Variants in ANGEL1 observed in about 807,000 individuals in gnomAD.
The protein encoded by ANGEL1 is angel homolog 1.
Under a neutral mutation model 76.4 loss-of-function variants are expected in ANGEL1, and 62 were observed. The ratio of observed to expected loss-of-function variants is 0.81; its 90% CI spans 0.66 to 1.00. The LOEUF is 1.00. ANGEL1 is among the 50% of genes least tolerant of loss of function. The probability of loss-of-function intolerance (pLI) is 0.00; values close to 1 mark genes in which losing one functional copy is unlikely to be tolerated. For missense variants in ANGEL1, 737 were observed against 836.7 expected, an observed-to-expected ratio of 0.88 and a Z score of 1.47; for synonymous variants, 340 against 331.7, an observed-to-expected ratio of 1.03 and a Z score of -0.27.
chr14:76,811,249 T>C (rs1332358681), intron 1 of ANGEL1, among the ~76,000 whole-genome samples: 1 of 152,204 alleles, frequency 6.6e-6, no homozygotes, highest in Admixed American at 6.5e-5. Flanking sequence ...TGAGAAACCC[T>C]GCTCTAAACC....
chr14:76,786,620 C>G lies in ANGEL1; in HGVS notation c.*2608G>C, dbSNP rs12895850. 9,461 of 152,258 alleles carry G rather than the reference C, an allele frequency of 0.062. 360 individuals carry two copies. Among genetic ancestry groups the G allele is most frequent in the Non-Finnish European group, 0.079 (5,387 of 68,044 alleles). The allele number at this position is 152,258 out of a possible 1,614,324, so 9.4% of individuals were successfully genotyped here. Reference sequence around the variant, plus strand: ...GTTCAGGTAAGACAGAAAACCAGATCTGGTTTCAGGGCTCCCAGTGGGCAT... The same window carrying G: ...GTTCAGGTAAGACAGAAAACCAGATGTGGTTTCAGGGCTCCCAGTGGGCAT... On this transcript the variant is annotated 3_prime_UTR_variant, in exon 10 of 10. Transcript: ENST00000251089.
intron 7 of ANGEL1, among the ~76,000 whole-genome samples, chr14:76,793,487 A>G (rs1894482431): frequency 6.9e-6 from 1 of 144,830 alleles, no homozygotes; most frequent in Non-Finnish European, 1.5e-5. Flanking sequence ...GGAGGAGAAA[A>G]AGGAGGAGGA....
chr14:76,804,928 T>C (rs1360917086), intron 5 of ANGEL1, among the ~76,000 whole-genome samples: 5 of 151,928 alleles, frequency 3.3e-5, no homozygotes, highest in Admixed American at 3.3e-4. Flanking sequence ...GAGAATCACA[T>C]GAACCCAGGA....
chr14:76,806,667 C>A lies in ANGEL1; in HGVS notation c.1129G>T (p.Gly377Cys). The A allele has an allele frequency of 1.2e-6, 2 of 1,614,054 alleles. No individual in the cohort carries two copies. The highest frequency in any genetic ancestry group is 1.7e-6 in the Non-Finnish European group (2 of 1,180,038). ...VLLLQPLVPE[G>C]LGQVSVAPLC... ...GGGGCCACCGAGACTTGTCCCAGGCCTTCTGGGACGAGTGGTTGCAGTAGC... is the reference window on the plus strand; with the variant it reads ...GGGGCCACCGAGACTTGTCCCAGGCATTCTGGGACGAGTGGTTGCAGTAGC... The change falls in exon 5 of 10, where the codon GGC becomes TGC. Residue 377 changes from glycine (G) to cysteine (C), a missense_variant. This residue lies in a region of ANGEL1 where 296 missense variants were observed against 387.2 expected (regional missense o/e 0.76). Transcript: ENST00000251089.
chr14:76,804,878 C>T (rs1478771158), intron 5 of ANGEL1, among the ~76,000 whole-genome samples: 7 of 152,110 alleles, frequency 4.6e-5, no homozygotes, highest in African/African-American at 1.7e-4. Context: ...AGCATGGTGG[C>T]ACACACCTGT....
chr14:76,807,467 G>A lies in ANGEL1; in HGVS notation c.912C>T (p.Tyr304=). The A allele has an allele frequency of 6.2e-7, 1 of 1,613,554 alleles. No homozygotes were observed. Among genetic ancestry groups the A allele is most frequent in the Non-Finnish European group, 8.5e-7 (1 of 1,179,806 alleles). ...GCAGAGAGGGTTCCAGCTGCTCCCA[G>A]TAATGATCTTCCTGGACTTCCTGGA... The part of the protein sequence containing the change: ...LCLQEVQEDH[Y]WEQLEPSLRM... Residue 304 remains tyrosine, a synonymous_variant, in exon 4 of 10, where the codon TAC becomes TAT. Transcript: ENST00000251089.
chr14:76,800,919 G>A (rs1009574345), intron 7 of ANGEL1, among the ~76,000 whole-genome samples: 1 of 151,894 alleles, frequency 6.6e-6, no homozygotes, highest in Non-Finnish European at 1.5e-5. Flanking sequence ...GTTGCAGTGA[G>A]GCACGATCAC....
intron 7 of ANGEL1, among the ~76,000 whole-genome samples, chr14:76,796,455 C>G (rs936181652): frequency 6.6e-6 from 1 of 151,928 alleles, no homozygotes; most frequent in Non-Finnish European, 1.5e-5. Flanking sequence ...AGGGTTTTGC[C>G]ACATTGCACA....
In ANGEL1 at chr14:76,806,745, A is replaced by C. The variant is rs745563921; in HGVS notation, c.1051T>G (p.Tyr351Asp). 6.2e-7 allele frequency: 1 copy of C among 1,614,060 alleles called. No individual in the cohort carries two copies. Among genetic ancestry groups the C allele is most frequent in the Non-Finnish European group, 8.5e-7 (1 of 1,180,044 alleles). The part of the protein sequence containing the change: ...FRLLCASPVE[Y>D]FRPGLELLNR... ...AGTAGCTCCAAGCCAGGCCGGAAGTACTCCACAGGGCTAGCACAGAGCAGG... is the reference window on the plus strand; with the variant it reads ...AGTAGCTCCAAGCCAGGCCGGAAGTCCTCCACAGGGCTAGCACAGAGCAGG... Residue 351 changes from tyrosine (Y) to aspartate (D), a missense_variant, in exon 5 of 10, where the codon TAC becomes GAC. Physicochemically the swap from Tyr to Asp is radical, Grantham distance 160. Transcript: ENST00000251089.
rs538284927 is a variant in ANGEL1, at chr14:76,789,934, G to A, written c.1853-546C>T. ...GGCTGGAGTGCAGTGGCACGATCTC[G>A]GCTCACTGTAACCTCTGCCTCCCGA... On this transcript the variant is annotated intron_variant, in intron 9 of 9. Coordinates refer to ENST00000251089, the MANE Select transcript of ANGEL1 (RefSeq NM_015305.4). 4.7e-5 allele frequency among the ~76,000 whole-genome samples: 7 copies of A among 148,800 alleles called. No individual in the cohort carries two copies. In the East Asian group the frequency reaches 7.9e-4, roughly 17 times the overall value.
chr14:76,799,370 T>C (rs1894689308), intron 7 of ANGEL1, among the ~76,000 whole-genome samples: 1 of 129,966 alleles, frequency 7.7e-6, no homozygotes, highest in Non-Finnish European at 1.6e-5. Context: ...CTCGGCTCAC[T>C]GCAAGCTCTG....
chr14:76,802,428 A>G (rs1419636143), intron 7 of ANGEL1, among the ~76,000 whole-genome samples: 2 of 152,162 alleles, frequency 1.3e-5, no homozygotes, highest in East Asian at 3.8e-4. Flanking sequence ...TAAGGGAAGG[A>G]CTGGGTATTT....
intron 7 of ANGEL1, among the ~76,000 whole-genome samples, chr14:76,793,545 T>C (rs1894483710): frequency 1.3e-4 from 2 of 15,930 alleles, no homozygotes; most frequent in South Asian, 9.7e-3. Flanking sequence ...TCCCAACTGG[T>C]TGGTTTTTTT....
intron 7 of ANGEL1, among the ~76,000 whole-genome samples, chr14:76,800,755 G>A (rs1178237798): frequency 6.6e-6 from 1 of 152,186 alleles, no homozygotes; most frequent in Non-Finnish European, 1.5e-5. Context: ...CAGATCTCCT[G>A]AGGTCAGGAG....
rs542369187 is a variant in ANGEL1, at chr14:76,797,408, G to A, written c.1618+5963C>T. ...TGAGGCCAGGATTCAAGACCAGCCT[G>A]GCCAACATGGTGAAACCCTATCTCT... On this transcript the variant is annotated intron_variant, in intron 7 of 9. Coordinates refer to ENST00000251089, the MANE Select transcript of ANGEL1 (RefSeq NM_015305.4). Among the ~76,000 whole-genome samples the A allele has an allele frequency of 8.5e-5, 13 of 152,310 alleles. No homozygotes were observed. In the East Asian group the frequency reaches 2.5e-3, roughly 29 times the overall value.
At chr14:76,797,061 C>G (rs1403995413) in intron 7 of ANGEL1, among the ~76,000 whole-genome samples, 1 of 152,190 alleles carries the variant, frequency 6.6e-6, no homozygotes, top group Non-Finnish European at 1.5e-5. Context: ...AGGCTTCCAC[C>G]TACTCTGCTC....
At chr14:76,804,796 GT>G (rs1279454431) in intron 5 of ANGEL1, among the ~76,000 whole-genome samples, 1 of 152,138 alleles carries the variant, frequency 6.6e-6, no homozygotes, top group East Asian at 1.9e-4. Context: ...GATCACCTGA[GT>G]TCAGGAGTTC....
intron 5 of ANGEL1, 111 bp from the exon 6 acceptor site, chr14:76,804,023 G>C (rs771880168): frequency 1.4e-5 from 23 of 1,606,052 alleles, no homozygotes; most frequent in Non-Finnish European, 1.9e-5. Context: ...CACACACTAC[G>C]TACATGGTAT....
At chr14:76,802,064 C>T (rs776933992) in intron 7 of ANGEL1, among the ~76,000 whole-genome samples, 2 of 151,694 alleles carry the variant, frequency 1.3e-5, no homozygotes, top group Non-Finnish European at 2.9e-5. Context: ...CCCAGCTACT[C>T]GGGAGGCTGA....
Sources: allele counts gnomAD v4.1 joint callset (sites outside exome capture counted in the v4.1 genomes callset), GRCh38; gene constraint gnomAD v4.1.1; regional missense constraint gnomAD v4.1.1; transcripts MANE v1.5; gene names NCBI Gene and HGNC (gene_info 2026-07-23, HGNC 2026-07-21).